Variants in LRPAP1 observed in about 807,000 individuals in gnomAD.
LRPAP1 encodes the protein LDL receptor related protein associated protein 1.
LRPAP1 carries 41 observed loss-of-function variants against 39.9 expected under a neutral mutation model. The ratio of observed to expected loss-of-function variants is 1.03; its 90% CI spans 0.80 to 1.33. LRPAP1 has a LOEUF of 1.33. Among genes scored for constraint, LRPAP1 ranks in the 40% most tolerant of loss-of-function variants. The pLI, the probability that LRPAP1 is intolerant of heterozygous loss-of-function variation, is 0.00. For missense variants in LRPAP1, 565 were observed against 482.3 expected, an observed-to-expected ratio of 1.17 and a Z score of -1.61; for synonymous variants, 263 against 212.7, an observed-to-expected ratio of 1.24 and a Z score of -2.06.
chr4:3,531,228 G>GCGTCAATCCCCATCCCCA (rs1730240785), intron 1 of LRPAP1, among the ~76,000 whole-genome samples: 1 of 152,126 alleles, frequency 6.6e-6, no homozygotes, highest in East Asian at 1.9e-4. Context: ...TGATGCCCAG[G>GCGTCAATCCCCATCCCCA]CGTCAATCCC....
At position 3,518,380 on chromosome 4, in the gene LRPAP1, C is replaced by CAGGCGAGAG. The variant is rs1048574046; in HGVS notation, c.593-189_593-188insCTCTCGCCT. On this transcript the variant is annotated intron_variant, in intron 4 of 7. Transcript: ENST00000650182. ...GGCACAGCTTCCTTTCCAGGCGAGACAGGCGAGACGCCGGGACACGCGCAC... is the reference window on the plus strand; with the variant it reads ...GGCACAGCTTCCTTTCCAGGCGAGACAGGCGAGAGAGGCGAGACGCCGGGACACGCGCAC... Among the ~76,000 whole-genome samples, 16 of 152,186 alleles carry CAGGCGAGAG rather than the reference C, an allele frequency of 1.1e-4. 1 individual carries two copies. The highest frequency in any genetic ancestry group is 7.9e-4 in the Admixed American group (12 of 15,284).
chr4:3,525,037 G>C lies in LRPAP1; in HGVS notation c.219C>G (p.Pro73=), dbSNP rs148553602. ...CAGCGTGGAGCTCGGCCAGCCTCAC[G>C]GGAGGAAGATGCAGCTGCGAACGAA... is the stretch of plus-strand genomic sequence containing the variant. ...WEKAQRLHLP[P]VRLAELHADL... Residue 73 remains proline, a synonymous_variant, in exon 2 of 8, where the codon CCC becomes CCG. Transcript: ENST00000650182. 79 of 1,613,904 alleles carry C rather than the reference G, an allele frequency of 4.9e-5. No homozygotes were observed. The highest frequency in any genetic ancestry group is 6.1e-5 in the Non-Finnish European group (72 of 1,180,032).
At chr4:3,530,237 T>G (rs1372487544) in intron 1 of LRPAP1, among the ~76,000 whole-genome samples, 1 of 152,104 alleles carries the variant, frequency 6.6e-6, no homozygotes, top group Non-Finnish European at 1.5e-5. Context: ...CTACCGCCAC[T>G]GAGAACCTCA....
At chr4:3,521,938 C>A in intron 2 of LRPAP1, among the ~76,000 whole-genome samples, 1 of 152,168 alleles carries the variant, frequency 6.6e-6, no homozygotes. Flanking sequence ...GTGTTCAAGA[C>A]CAGCCAGGGC....
In LRPAP1 at chr4:3,524,397, A is replaced by T. The variant is rs542868700; in HGVS notation, c.349+510T>A. 1.7e-3 allele frequency among the ~76,000 whole-genome samples: 261 copies of T among 152,320 alleles called. 4 individuals carry two copies. The highest frequency in any genetic ancestry group is 6.0e-3 in the African/African-American group (249 of 41,570). On this transcript the variant is annotated intron_variant, in intron 2 of 7. Coordinates refer to ENST00000650182, the MANE Select transcript of LRPAP1 (RefSeq NM_002337.4). ...TGGAGTATGTCCCCAAAACTTCAAGATGCTAGGGCAGACCTGCTTCCTCCT... is the reference window on the plus strand; with the variant it reads ...TGGAGTATGTCCCCAAAACTTCAAGTTGCTAGGGCAGACCTGCTTCCTCCT...
intron 6 of LRPAP1, among the ~76,000 whole-genome samples, chr4:3,515,210 C>G (rs1431485963): frequency 6.6e-6 from 1 of 152,186 alleles, no homozygotes; most frequent in East Asian, 1.9e-4. Context: ...CGTTCCCAGC[C>G]AGACCCCATG....
chr4:3,524,404 G>A (rs559619347), intron 2 of LRPAP1, among the ~76,000 whole-genome samples: 6 of 152,310 alleles, frequency 3.9e-5, no homozygotes, highest in African/African-American at 1.4e-4. Context: ...AAGATGCTAG[G>A]GCAGACCTGC....
At position 3,516,123 on chromosome 4, in the gene LRPAP1, G is replaced by T; in HGVS notation, c.827C>A (p.Ala276Glu). 1 of 1,575,552 alleles carries T rather than the reference G, an allele frequency of 6.3e-7. No individual in the cohort carries two copies. The highest frequency in any genetic ancestry group is 8.6e-7 in the Non-Finnish European group (1 of 1,160,358). The change falls in exon 6 of 8, where the codon GCG (alanine) becomes GAG (glutamate). Residue 276 changes from alanine (A) to glutamate (E), a missense_variant. Ala to Glu is a moderately radical substitution (Grantham distance 107, BLOSUM62 -1). Coordinates refer to ENST00000650182, the MANE Select transcript of LRPAP1 (RefSeq NM_002337.4). ...SANLTDKELE[A>E]FREELKHFEA... Reference sequence around the variant, plus strand: ...AGGGCCGTGTTTCCTTACCCGGAACGCCTCCAGCTCCTTGTCCGTGAGGTT... The same window carrying T: ...AGGGCCGTGTTTCCTTACCCGGAACTCCTCCAGCTCCTTGTCCGTGAGGTT...
chr4:3,531,946 G>A, intron 1 of LRPAP1: 1 of 544,010 alleles, frequency 1.8e-6, no homozygotes, highest in Non-Finnish European at 3.2e-6. Context: ...CCCAGGCTGG[G>A]GAGGGCGACA....
intron 7 of LRPAP1, among the ~76,000 whole-genome samples, chr4:3,513,877 C>G (rs1420430477): frequency 6.6e-6 from 1 of 152,268 alleles, no homozygotes; most frequent in Non-Finnish European, 1.5e-5. Context: ...GCCCGTGGCT[C>G]AGGGTGAATA....
intron 1 of LRPAP1, among the ~76,000 whole-genome samples, chr4:3,526,242 G>A (rs1442982497): frequency 6.6e-6 from 1 of 152,104 alleles, no homozygotes; most frequent in Non-Finnish European, 1.5e-5. Context: ...CTGAGCACCT[G>A]CATTCTCACA....
chr4:3,529,347 C>CA (rs1730176589), intron 1 of LRPAP1, among the ~76,000 whole-genome samples: 1 of 151,842 alleles, frequency 6.6e-6, no homozygotes, highest in Admixed American at 6.6e-5. Context: ...AACAAAAAAC[C>CA]AAAAAAACTA....
rs569293649 is a variant in LRPAP1, at chr4:3,509,221, G to C, written c.*3753C>G. 3 of 152,284 alleles carry C rather than the reference G, an allele frequency of 2.0e-5. No individual in the cohort carries two copies. The East Asian group carries it at 5.8e-4, about 29-fold the overall frequency. 9.4% of individuals were successfully genotyped at this position (152,284 alleles called of 1,614,324 possible). ...CATGGCAGTCAACGCATGGACACCG[G>C]AGACTGTTGAGACGCCGACTGGAGT... On this transcript the variant is annotated 3_prime_UTR_variant, in exon 8 of 8. Coordinates refer to ENST00000650182, the MANE Select transcript of LRPAP1 (RefSeq NM_002337.4).
chr4:3,515,954 G>A, intron 6 of LRPAP1, 162 bp downstream of exon 6: 3 of 686,378 alleles, frequency 4.4e-6, no homozygotes, highest in South Asian at 3.8e-5. Flanking sequence ...CCACGCAGAT[G>A]AGAAGGAAAA....
At chr4:3,523,213 C>T (rs1047334164) in intron 2 of LRPAP1, among the ~76,000 whole-genome samples, 2 of 152,138 alleles carry the variant, frequency 1.3e-5, no homozygotes, top group Non-Finnish European at 2.9e-5. Context: ...TACTCTGTCT[C>T]CTCCAGGCCC....
rs533697102 is a variant in LRPAP1, at chr4:3,523,790, C to G, written c.349+1117G>C. On this transcript the variant is annotated intron_variant, in intron 2 of 7. Transcript: ENST00000650182. ...AAGCAGGGCTACAGCAGACTCCAGA[C>G]ATGGCCAGGGCTCTGGGGCCACCCT... Among the ~76,000 whole-genome samples the G allele has an allele frequency of 7.2e-4, 110 of 152,350 alleles. 1 individual carries two copies. The South Asian group carries it at 0.018, about 26-fold the overall frequency.
intron 2 of LRPAP1, among the ~76,000 whole-genome samples, chr4:3,521,757 G>A (rs765543047): frequency 7.2e-5 from 11 of 152,224 alleles, no homozygotes; most frequent in African/African-American, 1.4e-4. Context: ...AGCTGCTGGC[G>A]CTGGGCACGG....
chr4:3,513,741 C>A (rs916655882), intron 7 of LRPAP1, among the ~76,000 whole-genome samples: 1 of 152,208 alleles, frequency 6.6e-6, no homozygotes, highest in African/African-American at 2.4e-5. Flanking sequence ...CCCAGAGCAT[C>A]CCCACAGATA....
At chr4:3,513,368 C>G (rs1337332075) in intron 7 of LRPAP1, among the ~76,000 whole-genome samples, 1 of 152,202 alleles carries the variant, frequency 6.6e-6, no homozygotes, top group African/African-American at 2.4e-5. Context: ...AGTGCAGTGG[C>G]ATGATCTCAG....
Sources: allele counts gnomAD v4.1 joint callset (sites outside exome capture counted in the v4.1 genomes callset), GRCh38; gene constraint gnomAD v4.1.1; transcripts MANE v1.5; gene names NCBI Gene and HGNC (gene_info 2026-07-23, HGNC 2026-07-21).